Variants in TBC1D2B observed in about 807,000 individuals in gnomAD.
TBC1D2B encodes TBC1 domain family, member 2B.
In TBC1D2B, 64 loss-of-function variants were observed where a neutral mutation model predicts 100.8. That is an observed-to-expected ratio of 0.64 (90% CI 0.52 to 0.78). TBC1D2B has a LOEUF of 0.78. Among genes scored for constraint, TBC1D2B ranks in the 30% least tolerant of loss-of-function variants. The probability of loss-of-function intolerance (pLI) is 0.00; values close to 1 mark genes in which losing one functional copy is unlikely to be tolerated. For missense variants in TBC1D2B, 1,052 were observed against 1,218.4 expected, an observed-to-expected ratio of 0.86 and a Z score of 2.03; for synonymous variants, 480 against 479.7, an observed-to-expected ratio of 1.00 and a Z score of -0.01.
intron 2 of TBC1D2B, among the ~76,000 whole-genome samples, chr15:78,052,955 G>A (rs745427932): frequency 6.6e-5 from 10 of 152,224 alleles, no homozygotes; most frequent in East Asian, 1.9e-4. Flanking sequence ...TAAGACAGTC[G>A]TGAAAGTGAC....
At position 78,009,026 on chromosome 15, in the gene TBC1D2B, A is replaced by G; in HGVS notation, c.2359T>C (p.Tyr787His). Reference protein sequence around the residue: ...TIVEVFMPRDYYTKTLLGSQV... With the variant: ...TIVEVFMPRDHYTKTLLGSQV... ...GATCCTAAAAGAGTCTTTGTATAAT[A>G]GTCTCGAGGCATGAAAACTTCCACT... Residue 787 changes from tyrosine to histidine, a missense_variant, in exon 10 of 13, where the codon TAT becomes CAT. Physicochemically the swap from Tyr to His is moderately conservative, Grantham distance 83 (BLOSUM62 2). Transcript: ENST00000300584. The G allele has an allele frequency of 6.2e-7, 1 of 1,603,476 alleles. No individual in the cohort carries two copies. The highest frequency in any genetic ancestry group is 8.5e-7 in the Non-Finnish European group (1 of 1,174,582).
At chr15:78,049,528 T>C (rs371902072) in intron 2 of TBC1D2B, among the ~76,000 whole-genome samples, 4 of 151,698 alleles carry the variant, frequency 2.6e-5, no homozygotes, top group African/African-American at 9.7e-5. Flanking sequence ...TGCCCTGAAT[T>C]GGGGTGGGGG....
chr15:78,043,458 G>A (rs2073130276), intron 3 of TBC1D2B, among the ~76,000 whole-genome samples: 1 of 152,042 alleles, frequency 6.6e-6, no homozygotes, highest in South Asian at 2.1e-4. Flanking sequence ...GGAGTGCAGT[G>A]ATGCGAACTC....
At chr15:78,029,403 C>CTA (rs1187475331) in intron 4 of TBC1D2B, among the ~76,000 whole-genome samples, 2 of 152,128 alleles carry the variant, frequency 1.3e-5, no homozygotes, top group Non-Finnish European at 2.9e-5. Flanking sequence ...GAGGTACATA[C>CTA]TATAGCATTT....
chr15:78,064,744 C>T (rs1279806187), intron 1 of TBC1D2B, among the ~76,000 whole-genome samples: 1 of 130,904 alleles, frequency 7.6e-6, no homozygotes, highest in Non-Finnish European at 1.6e-5. Context: ...GGATCTGGCC[C>T]AGCACCAATG....
intron 8 of TBC1D2B, among the ~76,000 whole-genome samples, chr15:78,013,745 A>C (rs942669397): frequency 6.6e-6 from 1 of 152,156 alleles, no homozygotes; most frequent in Non-Finnish European, 1.5e-5. Flanking sequence ...AAAACAAAGA[A>C]TGTATTTATA....
At position 77,996,807 on chromosome 15, in the gene TBC1D2B, G is replaced by A. The variant is rs2071773337; in HGVS notation, c.*1353C>T. 1 of 152,190 alleles carries A rather than the reference G, an allele frequency of 6.6e-6. No homozygotes were observed. Among genetic ancestry groups the A allele is most frequent in the Non-Finnish European group, 1.5e-5 (1 of 68,040 alleles). The allele number at this position is 152,190 out of a possible 1,614,324, so 9.4% of individuals were successfully genotyped here. A position where few individuals can be genotyped will look rare whatever the true frequency, so the allele number is the denominator to read the frequency against. On this transcript the variant is annotated 3_prime_UTR_variant, in exon 13 of 13. Coordinates refer to ENST00000300584, the MANE Select transcript of TBC1D2B (RefSeq NM_144572.2). ...ATTTCCAGTTTTTTTCGGGTAATAT[G>A]AAACATTCCACTGAGATCATTTATC...
chr15:78,035,363 T>C (rs1054057223), intron 3 of TBC1D2B, among the ~76,000 whole-genome samples: 1 of 152,254 alleles, frequency 6.6e-6, no homozygotes, highest in African/African-American at 2.4e-5. Flanking sequence ...GTTGACAGAA[T>C]TGTTGGGAAA....
In TBC1D2B at chr15:78,026,155, T is replaced by G. The variant is rs547149079; in HGVS notation, c.848-658A>C. Among the ~76,000 whole-genome samples the G allele has an allele frequency of 3.0e-4, 45 of 152,094 alleles. No homozygotes were observed. The South Asian group carries it at 4.4e-3, about 15-fold the overall frequency. The stretch of plus-strand genomic sequence containing the variant: ...AAATGTATGTTGGTTTTTGTTGTTT[T>G]TTTTTTTTTAACATACAAACATTGC... On this transcript the variant is annotated intron_variant, in intron 4 of 12. Coordinates refer to ENST00000300584, the MANE Select transcript of TBC1D2B (RefSeq NM_144572.2).
At chr15:78,015,698 A>T (rs1405461943) in intron 8 of TBC1D2B, among the ~76,000 whole-genome samples, 2 of 152,226 alleles carry the variant, frequency 1.3e-5, no homozygotes, top group African/African-American at 2.4e-5. Context: ...CTTCACTTGT[A>T]AAGTGAGGAT....
chr15:78,042,171 A>G (rs1596321953), intron 3 of TBC1D2B, among the ~76,000 whole-genome samples: 1 of 152,178 alleles, frequency 6.6e-6, no homozygotes, highest in South Asian at 2.1e-4. Flanking sequence ...TCACTTTCCT[A>G]GGCAGGAGGC....
intron 10 of TBC1D2B, among the ~76,000 whole-genome samples, chr15:78,006,906 T>G: frequency 6.6e-6 from 1 of 152,328 alleles, no homozygotes; most frequent in East Asian, 1.9e-4. Flanking sequence ...GACAGGGCCG[T>G]GGCCCTCAGG....
chr15:78,030,106 T>C lies in TBC1D2B; in HGVS notation c.748A>G (p.Thr250Ala), dbSNP rs149893270. Residue 250 changes from threonine (T) to alanine (A), a missense_variant, in exon 4 of 13, where the codon ACC becomes GCC. Thr to Ala is a moderately conservative substitution (Grantham distance 58). This residue lies in a region of TBC1D2B where 627 missense variants were observed against 646.1 expected (regional missense o/e 0.97). Transcript: ENST00000300584. ...TCTAAAAGTTCCCACTCTTCATTGG[T>C]ATAAAACACAGTCCTCCGACTATCA... ...HNDSRRTVFY[T>A]NEEWELLDPT... 1.5e-4 allele frequency: 245 copies of C among 1,613,868 alleles called. No individual in the cohort carries two copies. The African/African-American group carries it at 3.1e-3, about 20-fold the overall frequency.
rs779567862 is a variant in TBC1D2B at position 77,998,166 on chromosome 15, ATCC to A, written c.2883_2885del (p.Glu961del). Reference sequence around the variant, plus strand: ...AGCAGCATCCCGAGCCCACTCAGGTATCCTCCTCCTCGTCACTGACCAGCTCAC... The same window carrying A: ...AGCAGCATCCCGAGCCCACTCAGGTATCCTCCTCGTCACTGACCAGCTCAC... On this transcript the variant is annotated inframe_deletion, in exon 13 of 13. Coordinates refer to ENST00000300584, the MANE Select transcript of TBC1D2B (RefSeq NM_144572.2). 19 of 1,534,148 alleles carry A rather than the reference ATCC, an allele frequency of 1.2e-5. No homozygotes were observed. The highest frequency in any genetic ancestry group is 2.5e-5 in the East Asian group (1 of 40,006).
rs1204067427 is a variant in TBC1D2B, at chr15:77,995,572, T to A, written c.*2588A>T. The A allele has an allele frequency of 6.6e-6, 1 of 152,216 alleles. No homozygotes were observed. Among genetic ancestry groups the A allele is most frequent in the Non-Finnish European group, 1.5e-5 (1 of 67,988 alleles). The allele number at this position is 152,216 out of a possible 1,614,324, so 9.4% of individuals were successfully genotyped here. A position where few individuals can be genotyped will look rare whatever the true frequency, so the allele number is the denominator to read the frequency against. Reference sequence around the variant, plus strand: ...TAACTTGTTATATAAAATAGATATGTGGAATCTAGAAACACCTTGAGAAAA... The same window carrying A: ...TAACTTGTTATATAAAATAGATATGAGGAATCTAGAAACACCTTGAGAAAA... On this transcript the variant is annotated 3_prime_UTR_variant, in exon 13 of 13. Transcript: ENST00000300584.
intron 6 of TBC1D2B, among the ~76,000 whole-genome samples, chr15:78,023,398 T>G (rs916592568): frequency 6.6e-6 from 1 of 152,110 alleles, no homozygotes; most frequent in African/African-American, 2.4e-5. Context: ...GCAGCAAGAA[T>G]GTTATGATCC....
chr15:78,019,661 G>C (rs2072464656), intron 6 of TBC1D2B, among the ~76,000 whole-genome samples: 1 of 151,904 alleles, frequency 6.6e-6, no homozygotes. Flanking sequence ...GCCAAGGCAA[G>C]AGGATCACTT....
intron 1 of TBC1D2B, among the ~76,000 whole-genome samples, chr15:78,056,444 T>A (rs952763210): frequency 2.6e-5 from 4 of 152,158 alleles, no homozygotes; most frequent in Non-Finnish European, 5.9e-5. Flanking sequence ...ACAGTTTGCA[T>A]AGGAGGAGAT....
chr15:78,042,489 G>C (rs1267988447), intron 3 of TBC1D2B, among the ~76,000 whole-genome samples: 1 of 152,200 alleles, frequency 6.6e-6, no homozygotes, highest in Non-Finnish European at 1.5e-5. Flanking sequence ...GAGGCTCTCA[G>C]TGGTTTTCTG....
Sources: allele counts gnomAD v4.1 joint callset (sites outside exome capture counted in the v4.1 genomes callset), GRCh38; gene constraint gnomAD v4.1.1; regional missense constraint gnomAD v4.1.1; transcripts MANE v1.5; gene names NCBI Gene and HGNC (gene_info 2026-07-23, HGNC 2026-07-21).